Variants in VIM observed in about 807,000 individuals in gnomAD.
VIM encodes the protein vimentin, also known as epididymis secretory sperm binding protein.
A neutral mutation model predicts 50.3 loss-of-function variants in VIM; 18 were observed. The ratio of observed to expected loss-of-function variants is 0.36; its 90% CI spans 0.25 to 0.53. The LOEUF (loss-of-function observed/expected upper bound fraction) is 0.53. Ranked by LOEUF, VIM falls within the 20% of genes least tolerant of loss-of-function variation. The pLI, the probability that VIM is intolerant of heterozygous loss-of-function variation, is 0.91. For synonymous variants in VIM, 245 were observed against 248.5 expected (o/e 0.99, Z 0.13); for missense variants, 551 against 614.7 (o/e 0.90, Z 1.10).
At position 17,229,652 on chromosome 10, in the gene VIM, T is replaced by G. The variant is rs11545548; in HGVS notation, c.230T>G (p.Val77Gly). 1.9e-6 allele frequency: 3 copies of G among 1,562,970 alleles called. No homozygotes were observed. Among genetic ancestry groups the G allele is most frequent in the Middle Eastern group, 1.7e-4 (1 of 5,818 alleles). ...CGCCTGCGGAGCAGCGTGCCCGGGG[T>G]GCGGCTCCTGCAGGACTCGGTGGAC... ...AVRLRSSVPG[V>G]RLLQDSVDFS... The change falls in exon 2 of 10, where the codon GTG becomes GGG. Residue 77 changes from valine to glycine, a missense_variant. Around this residue, in one of 3 missense-constraint regions of VIM, gnomAD observed 134 missense variants for 126.4 expected, o/e 1.06. Coordinates refer to ENST00000544301, the MANE Select transcript of VIM (RefSeq NM_003380.5).
In VIM at chr10:17,237,254, C is replaced by T; in HGVS notation, c.1384C>T (p.His462Tyr). ...GGTTATCAACGAAACTTCTCAGCAT[C>T]ACGATGACCTTGAATAAAAATTGCA... ...GQVINETSQH[H>Y]DDLE The change falls in exon 10 of 10, where the codon CAC becomes TAC. Residue 462 changes from histidine (H) to tyrosine (Y), a missense_variant. Physicochemically the swap from His to Tyr is moderately conservative, Grantham distance 83. This residue lies in a region of VIM where 394 missense variants were observed against 437.5 expected (regional missense o/e 0.90). Coordinates refer to ENST00000544301, the MANE Select transcript of VIM (RefSeq NM_003380.5). The T allele has an allele frequency of 6.2e-7, 1 of 1,606,142 alleles. No homozygotes were observed. Among genetic ancestry groups the T allele is most frequent in the Non-Finnish European group, 8.5e-7 (1 of 1,175,444 alleles).
In VIM at chr10:17,235,229, A is replaced by C; in HGVS notation, c.1069A>C (p.Asn357His). 1.9e-6 allele frequency: 3 copies of C among 1,614,262 alleles called. No individual in the cohort carries two copies. The highest frequency in any genetic ancestry group is 2.5e-6 in the Non-Finnish European group (3 of 1,180,050). Reference protein sequence around the residue: ...MEENFAVEAANYQDTIGRLQD... With the variant: ...MEENFAVEAAHYQDTIGRLQD... ...AGAGAACTTTGCCGTTGAAGCTGCTAACTACCAAGACACTATTGGCCGCCT... is the reference window on the plus strand; with the variant it reads ...AGAGAACTTTGCCGTTGAAGCTGCTCACTACCAAGACACTATTGGCCGCCT... The change falls in exon 7 of 10, where the codon AAC becomes CAC. Residue 357 changes from asparagine (N) to histidine (H), a missense_variant. By Grantham distance (68) the Asn-to-His change is moderately conservative (BLOSUM62 1). Transcript: ENST00000544301.
At position 17,237,529 on chromosome 10, in the gene VIM, C is replaced by CT. The variant is rs948147691; in HGVS notation, c.*268dup. ...GGTATTTTGAATACCATTAAAACTG[C>CT]TTTTTTTTTTCCAGCAAGTATCCAA... On this transcript the variant is annotated 3_prime_UTR_variant, in exon 10 of 10. Transcript: ENST00000544301. 2,530 of 361,632 alleles carry CT rather than the reference C, an allele frequency of 7.0e-3. No homozygotes were observed. The highest frequency in any genetic ancestry group is 0.013 in the South Asian group (218 of 17,040). 22.4% of individuals were successfully genotyped at this position (361,632 alleles called of 1,614,324 possible).
In VIM at chr10:17,229,351, C is replaced by A; in HGVS notation, c.-72C>A. ...TCCCACCACCCACACCCACCGCGCC[C>A]TCGTTCGCCTCTTCTCCGGGAGCCA... On this transcript the variant is annotated 5_prime_UTR_variant, in exon 2 of 10. Transcript: ENST00000544301. 6.7e-7 allele frequency: 1 copy of A among 1,499,562 alleles called. No homozygotes were observed. Among genetic ancestry groups the A allele is most frequent in the Non-Finnish European group, 9.0e-7 (1 of 1,114,040 alleles). The allele number at this position is 1,499,562 out of a possible 1,614,324, so 92.9% of individuals were successfully genotyped here. A position where few individuals can be genotyped will look rare whatever the true frequency, so the allele number is the denominator to read the frequency against.
At chr10:17,234,658 G>A (rs776082483) in intron 5 of VIM, 35 bp from the exon 6 acceptor site, 3 of 1,612,478 alleles carry the variant, frequency 1.9e-6, no homozygotes, top group Admixed American at 1.7e-5. Flanking sequence ...AGACTTGAAT[G>A]TGAGCAATCT....
chr10:17,229,747 G>A lies in VIM; in HGVS notation c.325G>A (p.Glu109Lys). The change falls in exon 2 of 10, where the codon GAG becomes AAG. Residue 109 changes from glutamate to lysine, a missense_variant. This residue lies in a region of VIM where 23 missense variants were observed against 50.9 expected (regional missense o/e 0.45). Transcript: ENST00000544301. ...TRTNEKVELQ[E>K]LNDRFANYID... Reference sequence around the variant, plus strand: ...CACCAACGAGAAGGTGGAGCTGCAGGAGCTGAATGACCGCTTCGCCAACTA... The same window carrying A: ...CACCAACGAGAAGGTGGAGCTGCAGAAGCTGAATGACCGCTTCGCCAACTA... 6.3e-7 allele frequency: 1 copy of A among 1,586,454 alleles called. No individual in the cohort carries two copies. The highest frequency in any genetic ancestry group is 2.3e-5 in the East Asian group (1 of 43,780).
chr10:17,235,927 G>A, intron 8 of VIM, 38 bp downstream of exon 8: 2 of 1,582,852 alleles, frequency 1.3e-6, no homozygotes, highest in Non-Finnish European at 1.7e-6. Flanking sequence ...AACGTCAGCT[G>A]CTTGTAACCA....
chr10:17,235,757 C>A (rs1002887303), intron 7 of VIM, 89 bp from the exon 8 acceptor site: 13 of 1,271,274 alleles, frequency 1.0e-5, no homozygotes, highest in Middle Eastern at 1.9e-4. Context: ...CGTTTTCTTA[C>A]GTGACGAAAA....
chr10:17,235,873 C>A lies in VIM; in HGVS notation c.1257C>A (p.Ser419=), dbSNP rs11545556. The part of the protein sequence containing the change: ...SRISLPLPNF[S]SLNLRETNLD... ...TTTCTCTGCCTCTTCCAAACTTTTC[C>A]TCCCTGAACCTGAGGGGTAAGCATT... Residue 419 remains serine (S), a synonymous_variant, in exon 8 of 10, where the codon TCC becomes TCA. Transcript: ENST00000544301. 4 of 1,613,918 alleles carry A rather than the reference C, an allele frequency of 2.5e-6. No homozygotes were observed. Among genetic ancestry groups the A allele is most frequent in the African/African-American group, 1.3e-5 (1 of 75,024 alleles).
chr10:17,233,850 T>C lies in VIM; in HGVS notation c.801T>C (p.Ala267=). The stretch of plus-strand genomic sequence containing the variant: ...ATGTTTCCAAGCCTGACCTCACGGC[T>C]GCCCTGCGTGACGTACGTCAGCAAT... ...DVDVSKPDLT[A]ALRDVRQQYE... Residue 267 remains alanine (A), a synonymous_variant, in exon 5 of 10, where the codon GCT becomes GCC. Transcript: ENST00000544301. 6.2e-7 allele frequency: 1 copy of C among 1,614,184 alleles called. No individual in the cohort carries two copies. The highest frequency in any genetic ancestry group is 8.5e-7 in the Non-Finnish European group (1 of 1,180,048).
Position 17,230,352 on chromosome 10 carries a change from G to A in VIM, c.564-298G>A, listed in dbSNP as rs1306075963. On this transcript the variant is annotated intron_variant, in intron 2 of 9. Transcript: ENST00000544301. ...CTGGCAGGCTGCCAATCACCGGGCG[G>A]GAGAAGGAAGGAGGGGAAGGCGGTG... 4 of 570,736 alleles carry A rather than the reference G, an allele frequency of 7.0e-6. No homozygotes were observed. In the East Asian group the frequency reaches 9.0e-5, roughly 13 times the overall value. 35.4% of individuals were successfully genotyped at this position (570,736 alleles called of 1,614,324 possible). A position where few individuals can be genotyped will look rare whatever the true frequency, so the allele number is the denominator to read the frequency against.
rs1452626097 is a variant in VIM, at chr10:17,233,858, G to A, written c.809G>A (p.Arg270His). The A allele has an allele frequency of 1.9e-6, 3 of 1,614,126 alleles. No homozygotes were observed. Among genetic ancestry groups the A allele is most frequent in the South Asian group, 1.1e-5 (1 of 91,084 alleles). Reference sequence around the variant, plus strand: ...AAGCCTGACCTCACGGCTGCCCTGCGTGACGTACGTCAGCAATATGAAAGT... The same window carrying A: ...AAGCCTGACCTCACGGCTGCCCTGCATGACGTACGTCAGCAATATGAAAGT... ...VSKPDLTAALRDVRQQYESVA... is the reference protein window; with the variant it reads ...VSKPDLTAALHDVRQQYESVA... Residue 270 changes from arginine (R) to histidine (H), a missense_variant, in exon 5 of 10, where the codon CGT becomes CAT. Arg to His is a conservative substitution (Grantham distance 29, BLOSUM62 0). Coordinates refer to ENST00000544301, the MANE Select transcript of VIM (RefSeq NM_003380.5).
At chr10:17,236,472 A>G in intron 9 of VIM, 93 bp downstream of exon 9, 1 of 1,083,184 alleles carries the variant, frequency 9.2e-7, no homozygotes, top group African/African-American at 1.5e-5. Flanking sequence ...ACAGCTGGCT[A>G]ATTTGAGAGG....
chr10:17,234,208 C>T (rs1349245935), intron 5 of VIM: 20 of 400,154 alleles, frequency 5.0e-5, no homozygotes, highest in Non-Finnish European at 8.7e-5. Flanking sequence ...CTCCGCCTCC[C>T]AGGTTCAAGT....
chr10:17,233,417 C>A, intron 3 of VIM, 170 bp from the exon 4 acceptor site: 1 of 649,136 alleles, frequency 1.5e-6, no homozygotes, highest in South Asian at 1.8e-5. Flanking sequence ...GAAAGCACAG[C>A]ATATTATAGC....
chr10:17,228,992 C>T lies in VIM; in HGVS notation c.-147-284C>T, dbSNP rs144610656. 2,370 of 243,040 alleles carry T rather than the reference C, an allele frequency of 9.8e-3. 29 individuals carry two copies. Among genetic ancestry groups the T allele is most frequent in the Admixed American group, 0.018 (338 of 18,596 alleles). 15.1% of individuals were successfully genotyped at this position (243,040 alleles called of 1,614,324 possible). ...GGTTCAGTCCCAGGCGGACCCCCCC[C>T]TCACCGCGCGACCCCGCCTTTTTCA... On this transcript the variant is annotated intron_variant, in intron 1 of 9. Coordinates refer to ENST00000544301, the MANE Select transcript of VIM (RefSeq NM_003380.5).
At chr10:17,230,862 G>C (rs1340878706) in intron 3 of VIM, 152 bp downstream of exon 3, 9 of 775,722 alleles carry the variant, frequency 1.2e-5, no homozygotes, top group Admixed American at 7.5e-5. Flanking sequence ...ACAGGTTGGA[G>C]CTTCTCATGA....
intron 8 of VIM, 163 bp from the exon 9 acceptor site, chr10:17,236,131 G>T (rs1418736132): frequency 5.3e-6 from 4 of 752,868 alleles, no homozygotes; most frequent in Non-Finnish European, 9.2e-6. Flanking sequence ...AGAGTGTCAG[G>T]GCCTGGGTTT....
chr10:17,235,994 AG>A (rs1846882201), intron 8 of VIM, 105 bp downstream of exon 8: 1 of 1,246,614 alleles, frequency 8.0e-7, no homozygotes, highest in African/African-American at 1.5e-5. Context: ...ATGCCATATA[AG>A]AGAAAACTCT....
Sources: gnomAD v4.1 joint callset for allele counts on GRCh38, gnomAD v4.1.1 for gene constraint, gnomAD v4.1.1 regional missense constraint, MANE v1.5 for transcripts, NCBI Gene and HGNC (gene_info 2026-07-23, HGNC 2026-07-21) for gene names.